DLGAP2: variants seen among roughly 807,000 people sequenced by gnomAD.
DLGAP2 encodes DLG associated protein 2.
DLGAP2 carries 26 observed loss-of-function variants against 100.3 expected under a neutral mutation model. That is an observed-to-expected ratio of 0.26 (90% CI 0.19 to 0.36). The LOEUF (loss-of-function observed/expected upper bound fraction) is 0.36. Ranked by LOEUF, DLGAP2 falls within the 10% of genes least tolerant of loss-of-function variation. The pLI, the probability that DLGAP2 is intolerant of heterozygous loss-of-function variation, is 1.00. For missense variants in DLGAP2, 1,858 were observed against 1,453.2 expected (o/e 1.28, Z -4.53); for synonymous variants, 886 against 630.1 (o/e 1.41, Z -6.08).
intron 3 of DLGAP2, among the ~76,000 whole-genome samples, chr8:1,330,399 T>TA (rs1801124990): frequency 1.7e-5 from 2 of 118,976 alleles, no homozygotes; most frequent in Non-Finnish European, 1.7e-5. Context: ...TCACAGGGAC[T>TA]AGTTCTGGGT....
At chr8:973,903 A>G (rs1290813773) in intron 2 of DLGAP2, among the ~76,000 whole-genome samples, 2 of 134,346 alleles carry the variant, frequency 1.5e-5, no homozygotes, top group South Asian at 2.5e-4. Context: ...CACCGCCGCC[A>G]CCGCCACCGC....
At chr8:1,009,399 T>C (rs1029228064) in intron 2 of DLGAP2, among the ~76,000 whole-genome samples, 1 of 152,234 alleles carries the variant, frequency 6.6e-6, no homozygotes, top group Non-Finnish European at 1.5e-5. Flanking sequence ...AATAGATTTT[T>C]GGAAGGAGAT....
chr8:1,026,002 G>C (rs1801787524), intron 2 of DLGAP2, among the ~76,000 whole-genome samples: 1 of 152,234 alleles, frequency 6.6e-6, no homozygotes, highest in Non-Finnish European at 1.5e-5. Context: ...CCCTGAAGCT[G>C]CACCAGGGAT....
intron 2 of DLGAP2, among the ~76,000 whole-genome samples, chr8:1,235,195 A>C (rs1351967163): frequency 1.6e-5 from 2 of 127,320 alleles, no homozygotes. Flanking sequence ...CTTCCCTCAC[A>C]CATGGCGTCA....
chr8:781,282 T>C (rs1397204901), intron 1 of DLGAP2, among the ~76,000 whole-genome samples: 3 of 152,242 alleles, frequency 2.0e-5, no homozygotes, highest in African/African-American at 4.8e-5. Context: ...TTTTTGCTTA[T>C]GTTTTCTCTA....
intron 1 of DLGAP2, among the ~76,000 whole-genome samples, chr8:777,902 G>T (rs1421065906): frequency 2.0e-5 from 3 of 152,158 alleles, no homozygotes; most frequent in South Asian, 2.1e-4. Flanking sequence ...GGCCTGCCTT[G>T]CTAGATTGGG....
At chr8:1,132,623 T>G (rs1331250615) in intron 2 of DLGAP2, among the ~76,000 whole-genome samples, 2 of 152,158 alleles carry the variant, frequency 1.3e-5, no homozygotes, top group Non-Finnish European at 2.9e-5. Context: ...ACACCGAAGT[T>G]TTGGCAGTGA....
intron 2 of DLGAP2, among the ~76,000 whole-genome samples, chr8:1,200,342 G>A (rs1755159003): frequency 6.6e-6 from 1 of 152,172 alleles, no homozygotes; most frequent in Non-Finnish European, 1.5e-5. Context: ...CGTGGCCCCG[G>A]CTCCTAATTC....
At position 1,678,603 on chromosome 8, in the gene DLGAP2, C is replaced by T. The variant is rs766613957; in HGVS notation, c.2678C>T (p.Ala893Val). ...TGGTGCAAAGAGATGGAGAGAGAGGCGGAGGAGAACGACCTCTCGGAGGAA... is the reference window on the plus strand; with the variant it reads ...TGGTGCAAAGAGATGGAGAGAGAGGTGGAGGAGAACGACCTCTCGGAGGAA... ...EGWCKEMEREAEENDLSEEIL... is the reference protein window; with the variant it reads ...EGWCKEMEREVEENDLSEEIL... Residue 893 changes from alanine (A) to valine (V), a missense_variant, in exon 12 of 15, where the codon GCG (alanine) becomes GTG (valine). Physicochemically the swap from Ala to Val is moderately conservative, Grantham distance 64 (BLOSUM62 0). Transcript: ENST00000637795. The T allele has an allele frequency of 1.9e-6, 3 of 1,560,382 alleles. No individual in the cohort carries two copies. Among genetic ancestry groups the T allele is most frequent in the Admixed American group, 1.9e-5 (1 of 52,716 alleles).
chr8:1,442,010 G>T (rs1195415715), intron 3 of DLGAP2, among the ~76,000 whole-genome samples: 1 of 152,180 alleles, frequency 6.6e-6, no homozygotes, highest in Admixed American at 6.5e-5. Context: ...AACACAGGAA[G>T]AGCGTGACCA....
At chr8:1,646,766 G>T (rs945203587) in intron 8 of DLGAP2, among the ~76,000 whole-genome samples, 1 of 152,210 alleles carries the variant, frequency 6.6e-6, no homozygotes, top group Non-Finnish European at 1.5e-5. Context: ...GCTGGGACAG[G>T]TCACTAGTTA....
intron 2 of DLGAP2, among the ~76,000 whole-genome samples, chr8:938,869 C>T (rs534442069): frequency 9.9e-5 from 15 of 152,196 alleles, no homozygotes; most frequent in Non-Finnish European, 1.9e-4. Flanking sequence ...GAGAAAATGG[C>T]AGAAACTCCC....
At chr8:1,368,326 C>T (rs537471851) in intron 3 of DLGAP2, among the ~76,000 whole-genome samples, 34 of 151,148 alleles carry the variant, frequency 2.2e-4, no homozygotes, top group African/African-American at 7.3e-4. Flanking sequence ...TGTGTGTGTG[C>T]ATGCATGTGT....
intron 8 of DLGAP2, among the ~76,000 whole-genome samples, chr8:1,656,361 G>C (rs1251513151): frequency 6.6e-6 from 1 of 151,778 alleles, no homozygotes; most frequent in African/African-American, 2.4e-5. Context: ...CTAAGTTATT[G>C]GTCAGGGCAG....
intron 3 of DLGAP2, among the ~76,000 whole-genome samples, chr8:1,493,010 A>G (rs571653108): frequency 2.0e-5 from 3 of 152,344 alleles, no homozygotes; most frequent in Non-Finnish European, 4.4e-5. Context: ...GTTCTCACCC[A>G]GGCGAGAGAA....
intron 8 of DLGAP2, among the ~76,000 whole-genome samples, chr8:1,667,944 C>T (rs1000611851): frequency 6.6e-6 from 1 of 151,872 alleles, no homozygotes; most frequent in Non-Finnish European, 1.5e-5. Flanking sequence ...AGGTGTGTCT[C>T]CGCTGCTGGA....
intron 2 of DLGAP2, among the ~76,000 whole-genome samples, chr8:967,400 T>C (rs1166476365): frequency 2.6e-5 from 4 of 152,258 alleles, no homozygotes; most frequent in African/African-American, 9.6e-5. Flanking sequence ...TGAGAGTGAG[T>C]AGATTATTCT....
rs141257007 is a variant in DLGAP2, at chr8:1,681,411, C to T, written c.2704+2782C>T. 3.4e-3 allele frequency among the ~76,000 whole-genome samples: 521 copies of T among 152,174 alleles called. 3 individuals are homozygous for T. The highest frequency in any genetic ancestry group is 0.017 in the Middle Eastern group (5 of 294). ...ACTTTGTGAGGCTGAGGCGGGAGGA[C>T]TGCTTGTGCCCAGGAGTTTTAGACC... On this transcript the variant is annotated intron_variant, in intron 12 of 14. Coordinates refer to ENST00000637795, the MANE Select transcript of DLGAP2 (RefSeq NM_001346810.2).
At chr8:1,226,540 A>T (rs1343509662) in intron 2 of DLGAP2, among the ~76,000 whole-genome samples, 1 of 152,136 alleles carries the variant, frequency 6.6e-6, no homozygotes, top group Non-Finnish European at 1.5e-5. Context: ...ACCAAGGTTG[A>T]TGGGTGCAGC....
Sources: gnomAD v4.1 joint callset for allele counts (sites outside exome capture counted in the v4.1 genomes callset) on GRCh38, gnomAD v4.1.1 for gene constraint, MANE v1.5 for transcripts, NCBI Gene and HGNC (gene_info 2026-07-23, HGNC 2026-07-21) for gene names.